Variants in ERBB4 observed in about 807,000 individuals in gnomAD.
ERBB4 encodes the protein receptor tyrosine-protein kinase erbB-4.
Under a neutral mutation model 158.0 loss-of-function variants are expected in ERBB4, and 42 were observed. The ratio of observed to expected loss-of-function variants is 0.27; its 90% CI spans 0.21 to 0.34. The LOEUF is 0.34. Ranked by LOEUF, ERBB4 falls within the 10% of genes least tolerant of loss-of-function variation. The pLI, the probability that ERBB4 is intolerant of heterozygous loss-of-function variation, is 1.00. For missense variants in ERBB4, 1,333 were observed against 1,624.1 expected (o/e 0.82, Z 3.08); for synonymous variants, 583 against 558.7 (o/e 1.04, Z -0.61).
chr2:212,249,297 ATATGTATGTATATG>A, intron 1 of ERBB4, among the ~76,000 whole-genome samples: 1 of 152,034 alleles, frequency 6.6e-6, no homozygotes, highest in Non-Finnish European at 1.5e-5. Context: ...TCATACATAT[ATATGTATGTATATG>A]TGTGTATGTT....
intron 1 of ERBB4, among the ~76,000 whole-genome samples, chr2:212,293,857 AAC>A (rs1250585024): frequency 0.054 from 5,043 of 92,624 alleles, 1,012 homozygotes; most frequent in African/African-American, 0.16. Flanking sequence ...CAAAAAAAAA[AAC>A]AAAAAAAAAA....
intron 2 of ERBB4, among the ~76,000 whole-genome samples, chr2:212,045,339 T>C (rs1319745172): frequency 1.3e-5 from 2 of 152,072 alleles, no homozygotes; most frequent in Admixed American, 1.3e-4. Context: ...ACATCTGTAG[T>C]CCCAGCTACC....
intron 1 of ERBB4, among the ~76,000 whole-genome samples, chr2:212,219,312 T>C (rs2083209531): frequency 6.6e-6 from 1 of 151,496 alleles, no homozygotes; most frequent in African/African-American, 2.4e-5. Flanking sequence ...GTTTGTATAA[T>C]GTCTTTTTAT....
intron 19 of ERBB4, among the ~76,000 whole-genome samples, chr2:211,590,790 A>C (rs1254361906): frequency 6.6e-6 from 1 of 152,212 alleles, no homozygotes; most frequent in African/African-American, 2.4e-5. Flanking sequence ...CTAGGCAGCA[A>C]GTAAGGCGAA....
chr2:212,311,439 C>G (rs2106238094), intron 1 of ERBB4, among the ~76,000 whole-genome samples: 1 of 150,906 alleles, frequency 6.6e-6, no homozygotes, highest in African/African-American at 2.4e-5. Flanking sequence ...TAAATCCTAT[C>G]ACCATAGAGT....
intron 2 of ERBB4, among the ~76,000 whole-genome samples, chr2:212,001,813 C>A (rs892363012): frequency 1.3e-5 from 2 of 152,094 alleles, no homozygotes; most frequent in African/African-American, 4.8e-5. Context: ...GCTTTATCCC[C>A]AAATTATCAA....
intron 1 of ERBB4, among the ~76,000 whole-genome samples, chr2:212,248,628 C>T (rs547680554): frequency 2.4e-4 from 36 of 152,078 alleles, no homozygotes; most frequent in Admixed American, 8.5e-4. Context: ...AAATTTAATC[C>T]GCCACGTTAA....
intron 12 of ERBB4, among the ~76,000 whole-genome samples, chr2:211,701,711 T>TGA (rs1559434223): frequency 3.1e-5 from 4 of 127,506 alleles, no homozygotes. Flanking sequence ...AGCCGAGATC[T>TGA]CGCCACTGCA....
intron 27 of ERBB4, among the ~76,000 whole-genome samples, chr2:211,385,360 A>G (rs899322569): frequency 1.3e-5 from 2 of 152,136 alleles, no homozygotes; most frequent in Admixed American, 1.3e-4. Context: ...AGATTAAATG[A>G]TGTGTGCAGG....
intron 19 of ERBB4, among the ~76,000 whole-genome samples, chr2:211,581,793 C>T (rs577616087): frequency 5.9e-5 from 9 of 152,124 alleles, no homozygotes; most frequent in East Asian, 5.8e-4. Flanking sequence ...AGGCAGATCA[C>T]GAGGTCAAGA....
intron 1 of ERBB4, among the ~76,000 whole-genome samples, chr2:212,335,022 A>G (rs1464405942): frequency 2.0e-5 from 3 of 151,990 alleles, no homozygotes; most frequent in African/African-American, 7.2e-5. Context: ...CTGTCTTTTA[A>G]TTTAACTTAC....
At chr2:212,392,566 A>G (rs2090908602) in intron 1 of ERBB4, among the ~76,000 whole-genome samples, 1 of 152,098 alleles carries the variant, frequency 6.6e-6, no homozygotes, top group South Asian at 2.1e-4. Flanking sequence ...TACAGCAAAC[A>G]TGCATTATCT....
chr2:212,352,302 AC>A (rs1342601777), intron 1 of ERBB4, among the ~76,000 whole-genome samples: 1 of 142,730 alleles, frequency 7.0e-6, no homozygotes, highest in Non-Finnish European at 1.5e-5. Flanking sequence ...CTGCACATGC[AC>A]CCCTGAACCT....
At chr2:212,326,737 C>T (rs1046137044) in intron 1 of ERBB4, among the ~76,000 whole-genome samples, 1 of 150,714 alleles carries the variant, frequency 6.6e-6, no homozygotes, top group Non-Finnish European at 1.5e-5. Flanking sequence ...TGCGTTTGTT[C>T]CTTCATCTTG....
At chr2:211,496,352 C>T (rs1286248121) in intron 20 of ERBB4, among the ~76,000 whole-genome samples, 1 of 151,890 alleles carries the variant, frequency 6.6e-6, no homozygotes, top group Non-Finnish European at 1.5e-5. Context: ...CTGTTTGAGC[C>T]TCTAATATGT....
Position 211,712,042 on chromosome 2 carries a change from A to G in ERBB4, c.1124+8T>C, listed in dbSNP as rs1313278736. ...GTAAAATAACTTGCACAAAAATTTA[A>G]TACTGACCCATGAATACCAGTGACT... is the stretch of plus-strand genomic sequence containing the variant. On this transcript the variant is annotated splice_region_variant and intron_variant, in intron 9 of 27. Coordinates refer to ENST00000342788, the MANE Select transcript of ERBB4 (RefSeq NM_005235.3). 2 of 1,610,312 alleles carry G rather than the reference A, an allele frequency of 1.2e-6. No individual in the cohort carries two copies. Among genetic ancestry groups the G allele is most frequent in the Admixed American group, 3.3e-5 (2 of 59,988 alleles).
chr2:211,609,407 T>C (rs1379909767), intron 19 of ERBB4, among the ~76,000 whole-genome samples: 1 of 152,122 alleles, frequency 6.6e-6, no homozygotes, highest in African/African-American at 2.4e-5. Context: ...CCTCACTCAA[T>C]TAATATTAGA....
At chr2:212,157,596 A>T (rs1339199769) in intron 1 of ERBB4, among the ~76,000 whole-genome samples, 1 of 152,110 alleles carries the variant, frequency 6.6e-6, no homozygotes, top group South Asian at 2.1e-4. Flanking sequence ...TAAGAAAATT[A>T]ATTCTGTATC....
chr2:211,827,918 G>A (rs1299800417), intron 3 of ERBB4, among the ~76,000 whole-genome samples: 2 of 152,096 alleles, frequency 1.3e-5, no homozygotes, highest in East Asian at 1.9e-4. Context: ...ACACATTCAT[G>A]ATCATTCTAG....
Sources: gnomAD v4.1 joint callset for allele counts (sites outside exome capture counted in the v4.1 genomes callset) on GRCh38, gnomAD v4.1.1 for gene constraint, MANE v1.5 for transcripts, NCBI Gene and HGNC (gene_info 2026-07-23, HGNC 2026-07-21) for gene names.